BAZ2B: variants seen among roughly 807,000 people sequenced by gnomAD.
The protein encoded by BAZ2B is bromodomain adjacent to zinc finger domain protein 2B.
Under a neutral mutation model 246.0 loss-of-function variants are expected in BAZ2B, and 91 were observed. That is an observed-to-expected ratio of 0.37 (90% CI 0.31 to 0.44). The LOEUF is 0.44. BAZ2B is among the 20% of genes least tolerant of loss of function. BAZ2B has a pLI of 1.00. For missense variants in BAZ2B, 2,332 were observed against 2,533.7 expected (o/e 0.92, Z 1.71); for synonymous variants, 855 against 860.0 (o/e 0.99, Z 0.10).
At chr2:159,527,872 T>C (rs1201641296) in intron 2 of BAZ2B, among the ~76,000 whole-genome samples, 2 of 152,180 alleles carry the variant, frequency 1.3e-5, no homozygotes, top group Admixed American at 6.5e-5. Context: ...CTTGAGAGTG[T>C]TTCTGTAGAC....
chr2:159,666,863 C>A, the BAZ2B span, among the ~76,000 whole-genome samples: 1 of 151,680 alleles, frequency 6.6e-6, no homozygotes, highest in Non-Finnish European at 1.5e-5. Context: ...CTGAAAAAAA[C>A]CAAACCAAAC....
At chr2:159,449,095 C>T (rs902807974) in intron 4 of BAZ2B, among the ~76,000 whole-genome samples, 1 of 152,112 alleles carries the variant, frequency 6.6e-6, no homozygotes, top group Admixed American at 6.6e-5. Context: ...TACTTCCACT[C>T]ATTAATTACA....
chr2:159,701,196 G>A, the BAZ2B span, among the ~76,000 whole-genome samples: 3 of 152,098 alleles, frequency 2.0e-5, no homozygotes, highest in Non-Finnish European at 4.4e-5. Flanking sequence ...AATGTCTCTA[G>A]TGTCTGAGTC....
At position 159,534,235 on chromosome 2, in the gene BAZ2B, A is replaced by G. The variant is rs567271032; in HGVS notation, c.-3+21588T>C. Among the ~76,000 whole-genome samples, 10 of 152,330 alleles carry G rather than the reference A, an allele frequency of 6.6e-5. No individual in the cohort carries two copies. The South Asian group carries it at 2.1e-3, about 32-fold the overall frequency. On this transcript the variant is annotated intron_variant, in intron 2 of 36. Transcript: ENST00000392783. Reference sequence around the variant, plus strand: ...AGTCATGCATCACTTATCCACAGGTATATGTTCTGAGAAACGTGTTGTTAG... The same window carrying G: ...AGTCATGCATCACTTATCCACAGGTGTATGTTCTGAGAAACGTGTTGTTAG...
the BAZ2B span, among the ~76,000 whole-genome samples, chr2:159,664,121 G>T: frequency 2.9e-5 from 1 of 33,970 alleles, no homozygotes; most frequent in African/African-American, 1.1e-4. Flanking sequence ...GTGAGAATAT[G>T]CGGTGTTTGG....
At chr2:159,456,864 C>T (rs1056673078) in intron 3 of BAZ2B, among the ~76,000 whole-genome samples, 3 of 152,032 alleles carry the variant, frequency 2.0e-5, no homozygotes, top group Non-Finnish European at 2.9e-5. Flanking sequence ...AAAATACCCA[C>T]GTGAAAGACT....
At chr2:159,501,789 C>T (rs1428876942) in intron 2 of BAZ2B, among the ~76,000 whole-genome samples, 2 of 152,142 alleles carry the variant, frequency 1.3e-5, no homozygotes, top group Middle Eastern at 3.2e-3. Context: ...TATGACCCAG[C>T]AATTCAACTC....
At chr2:159,402,386 G>A (rs1344508763) in intron 16 of BAZ2B, among the ~76,000 whole-genome samples, 1 of 152,116 alleles carries the variant, frequency 6.6e-6, no homozygotes, top group Non-Finnish European at 1.5e-5. Flanking sequence ...GGAGGCGGAG[G>A]CTGCAGTGAG....
intron 1 of BAZ2B, among the ~76,000 whole-genome samples, chr2:159,601,952 T>TTGTATATGATTA (rs1692262466): frequency 6.6e-6 from 1 of 152,192 alleles, no homozygotes; most frequent in Non-Finnish European, 1.5e-5. Flanking sequence ...TTATCTTTGT[T>TTGTATATGATTA]TGTATATGAT....
chr2:159,489,233 A>G (rs1185784265), intron 2 of BAZ2B, among the ~76,000 whole-genome samples: 1 of 152,206 alleles, frequency 6.6e-6, no homozygotes, highest in Non-Finnish European at 1.5e-5. Context: ...CATAAAGAAA[A>G]CTAATAGAAA....
the BAZ2B span, among the ~76,000 whole-genome samples, chr2:159,627,184 C>T: frequency 7.9e-5 from 12 of 152,112 alleles, no homozygotes; most frequent in East Asian, 2.3e-3. Context: ...TAATATCCTA[C>T]CACACAAAAA....
intron 1 of BAZ2B, among the ~76,000 whole-genome samples, chr2:159,571,820 A>T (rs1394869161): frequency 6.6e-6 from 1 of 152,156 alleles, no homozygotes; most frequent in Non-Finnish European, 1.5e-5. Context: ...TAAAGAGAGG[A>T]TATCTGTCAA....
intron 13 of BAZ2B, among the ~76,000 whole-genome samples, chr2:159,416,405 G>T (rs189897459): frequency 6.6e-6 from 1 of 152,230 alleles, no homozygotes; most frequent in African/African-American, 2.4e-5. Context: ...GGAAGCTTTT[G>T]ATTAGTTTAG....
intron 1 of BAZ2B, among the ~76,000 whole-genome samples, chr2:159,560,591 A>G (rs1404263646): frequency 6.7e-6 from 1 of 149,656 alleles, no homozygotes; most frequent in East Asian, 1.9e-4. Context: ...TTTTTTCGAG[A>G]CAGAGTCTTG....
chr2:159,670,144 T>C, the BAZ2B span, among the ~76,000 whole-genome samples: 5 of 152,054 alleles, frequency 3.3e-5, no homozygotes, highest in African/African-American at 9.7e-5. Flanking sequence ...CTAATTTTTG[T>C]ATATTTACTA....
intron 1 of BAZ2B, among the ~76,000 whole-genome samples, chr2:159,584,439 A>G (rs1432934866): frequency 6.6e-6 from 1 of 152,124 alleles, no homozygotes; most frequent in Non-Finnish European, 1.5e-5. Flanking sequence ...TTTTAAGAGG[A>G]TCACTTTGGT....
At chr2:159,336,867 TAAGA>T (rs2065764190) in intron 33 of BAZ2B, 71 bp downstream of exon 33, 1 of 1,285,076 alleles carries the variant, frequency 7.8e-7, no homozygotes, top group Admixed American at 2.5e-5. Flanking sequence ...AATGTATAAT[TAAGA>T]AAGATCTGGA....
chr2:159,353,958 A>T (rs2058821525), intron 27 of BAZ2B, among the ~76,000 whole-genome samples: 1 of 152,214 alleles, frequency 6.6e-6, no homozygotes, highest in East Asian at 1.9e-4. Flanking sequence ...AACAAGGTAA[A>T]ATTCACAATA....
chr2:159,512,975 C>T (rs1410352133), intron 2 of BAZ2B, among the ~76,000 whole-genome samples: 5 of 152,118 alleles, frequency 3.3e-5, no homozygotes, highest in Non-Finnish European at 7.4e-5. Flanking sequence ...TAACATCATA[C>T]ATTTTTAAAA....
Sources: gnomAD v4.1 joint callset for allele counts (sites outside exome capture counted in the v4.1 genomes callset) on GRCh38, gnomAD v4.1.1 for gene constraint, MANE v1.5 for transcripts, NCBI Gene and HGNC (gene_info 2026-07-23, HGNC 2026-07-21) for gene names.